Variants in R3HDM1 observed in about 807,000 individuals in gnomAD.
The protein encoded by R3HDM1 is R3H domain containing 1.
A neutral mutation model predicts 141.1 loss-of-function variants in R3HDM1; 46 were observed. That is an observed-to-expected ratio of 0.33 (90% CI 0.26 to 0.42). The LOEUF is 0.42. R3HDM1 is among the 10% of genes least tolerant of loss of function. R3HDM1 has a pLI of 1.00. For synonymous variants in R3HDM1, 435 were observed against 472.9 expected, an observed-to-expected ratio of 0.92 and a Z score of 1.04; for missense variants, 1,184 against 1,368.3, an observed-to-expected ratio of 0.87 and a Z score of 2.12.
chr2:135,536,944 A>G (rs1209229530), intron 1 of R3HDM1, among the ~76,000 whole-genome samples: 1 of 152,170 alleles, frequency 6.6e-6, no homozygotes, highest in Non-Finnish European at 1.5e-5. Context: ...GATCTGAGGT[A>G]GAACAGTTTC....
chr2:135,541,880 G>C (rs1001829591), intron 1 of R3HDM1, among the ~76,000 whole-genome samples: 9 of 143,548 alleles, frequency 6.3e-5, no homozygotes, highest in Non-Finnish European at 1.4e-4. Context: ...AAGAAAGAAA[G>C]AAAGAGAAAA....
At chr2:135,708,958 CAA>C (rs374959932) in intron 21 of R3HDM1, among the ~76,000 whole-genome samples, 97 of 102,956 alleles carry the variant, frequency 9.4e-4, no homozygotes, top group African/African-American at 2.7e-3. Flanking sequence ...AACTCTGTCT[CAA>C]AAAAAAAAAA....
At chr2:135,600,381 A>G (rs1314882367) in intron 1 of R3HDM1, among the ~76,000 whole-genome samples, 2 of 152,140 alleles carry the variant, frequency 1.3e-5, no homozygotes, top group Admixed American at 6.5e-5. Context: ...GGACACAGCA[A>G]ATTTAGGCTC....
At chr2:135,683,428 C>CCTGT (rs2105361016) in intron 21 of R3HDM1, among the ~76,000 whole-genome samples, 1 of 151,958 alleles carries the variant, frequency 6.6e-6, no homozygotes, top group African/African-American at 2.4e-5. Flanking sequence ...GTGGTGGGTG[C>CCTGT]CTGTAATCCC....
At chr2:135,561,367 TC>T in intron 1 of R3HDM1, 1 of 965,990 alleles carries the variant, frequency 1.0e-6, no homozygotes, top group South Asian at 4.8e-5. Flanking sequence ...TTTTCAGGTC[TC>T]CCTGGTCTGT....
intron 19 of R3HDM1, chr2:135,667,824 C>G: frequency 1.1e-6 from 1 of 889,656 alleles, no homozygotes; most frequent in Non-Finnish European, 1.3e-6. Context: ...ACTATGAGAA[C>G]TCTGTACCCA....
intron 1 of R3HDM1, among the ~76,000 whole-genome samples, chr2:135,557,709 T>A (rs1701050302): frequency 1.3e-5 from 2 of 152,214 alleles, no homozygotes; most frequent in Non-Finnish European, 2.9e-5. Context: ...AACATTGAAC[T>A]GTGGCCAGGG....
chr2:135,670,078 C>T (rs957188159), intron 19 of R3HDM1, among the ~76,000 whole-genome samples: 17 of 143,530 alleles, frequency 1.2e-4, no homozygotes, highest in Admixed American at 8.9e-4. Context: ...GGCCATAAGC[C>T]GAGATTGCAC....
intron 21 of R3HDM1, among the ~76,000 whole-genome samples, chr2:135,686,391 A>G (rs1559435226): frequency 6.6e-6 from 1 of 152,236 alleles, no homozygotes; most frequent in Non-Finnish European, 1.5e-5. Context: ...TCATTGCAGC[A>G]TTATTCACAA....
intron 1 of R3HDM1, among the ~76,000 whole-genome samples, chr2:135,587,983 A>G (rs886730293): frequency 6.7e-6 from 1 of 148,844 alleles, no homozygotes; most frequent in East Asian, 2.0e-4. Flanking sequence ...TTTTTTGTTC[A>G]TCTACCTGGT....
intron 3 of R3HDM1, among the ~76,000 whole-genome samples, chr2:135,609,092 CA>C (rs2060312022): frequency 1.3e-5 from 2 of 152,162 alleles, no homozygotes; most frequent in African/African-American, 2.4e-5. Context: ...GTAGTATTTA[CA>C]TAAAAAATAA....
intron 1 of R3HDM1, among the ~76,000 whole-genome samples, chr2:135,579,890 G>A (rs1198430559): frequency 6.6e-6 from 1 of 152,112 alleles, no homozygotes; most frequent in Non-Finnish European, 1.5e-5. Context: ...AGTTGGATGA[G>A]GTATATACAG....
At chr2:135,669,864 C>A (rs1165774195) in intron 19 of R3HDM1, among the ~76,000 whole-genome samples, 2 of 152,102 alleles carry the variant, frequency 1.3e-5, no homozygotes, top group Admixed American at 1.3e-4. Flanking sequence ...TGTGACTGGG[C>A]GCAGTGGCTC....
chr2:135,551,683 G>C (rs1699879781), intron 1 of R3HDM1, among the ~76,000 whole-genome samples: 2 of 152,188 alleles, frequency 1.3e-5, no homozygotes, highest in South Asian at 4.1e-4. Context: ...TACATTGTGG[G>C]GTATTAGGAG....
At position 135,723,778 on chromosome 2, in the gene R3HDM1, C is replaced by CAAAAAA. The variant is rs541423067; in HGVS notation, c.3050-137_3050-132dup. ...GGAGACAGAGTCAGACTCCATCTCC[C>CAAAAAA]AAAAAAAAAAAAAAAAAAAAAAAAA... is the stretch of plus-strand genomic sequence containing the variant. On this transcript the variant is annotated intron_variant, in intron 26 of 26. Coordinates refer to ENST00000683871, the MANE Select transcript of R3HDM1 (RefSeq NM_001378107.1). Among the ~76,000 whole-genome samples the CAAAAAA allele has an allele frequency of 4.6e-3, 253 of 55,296 alleles. 8 individuals are homozygous for CAAAAAA. The highest frequency in any genetic ancestry group is 0.016 in the African/African-American group (232 of 14,502). The allele number at this position is 55,296 out of a possible 152,430, so 36.3% of individuals were successfully genotyped here. A position where few individuals can be genotyped will look rare whatever the true frequency, so the allele number is the denominator to read the frequency against.
chr2:135,617,993 A>C (rs1410607697), intron 5 of R3HDM1, among the ~76,000 whole-genome samples: 1 of 152,218 alleles, frequency 6.6e-6, no homozygotes, highest in Non-Finnish European at 1.5e-5. Flanking sequence ...TATTTAGGAT[A>C]GTTGTCACAT....
chr2:135,537,091 A>G (rs1315135009), intron 1 of R3HDM1, among the ~76,000 whole-genome samples: 2 of 151,774 alleles, frequency 1.3e-5, no homozygotes, highest in Non-Finnish European at 1.5e-5. Context: ...CTAGAGTAAA[A>G]TATCACCTTA....
rs1168956521 is a variant in R3HDM1 at position 135,675,478 on chromosome 2, A to G, written c.2299A>G (p.Thr767Ala). Residue 767 changes from threonine to alanine, a missense_variant, in exon 20 of 27, where the codon ACA (threonine) becomes GCA (alanine). Around this residue, in one of 5 missense-constraint regions of R3HDM1, gnomAD observed 563 missense variants for 562.0 expected, o/e 1.00. Coordinates refer to ENST00000683871, the MANE Select transcript of R3HDM1 (RefSeq NM_001378107.1). ...GVVIPYTSVP[T>A]YQVSLPQGSQ... ...GGTCATCCCCTATACTTCAGTGCCA[A>G]CATATCAGGTATATTGTCTCTTTTA... 1.2e-6 allele frequency: 2 copies of G among 1,612,952 alleles called. No homozygotes were observed. Among genetic ancestry groups the G allele is most frequent in the Non-Finnish European group, 1.7e-6 (2 of 1,179,220 alleles).
intron 21 of R3HDM1, among the ~76,000 whole-genome samples, chr2:135,704,136 A>AGTG (rs2074584857): frequency 1.3e-5 from 2 of 152,024 alleles, no homozygotes; most frequent in African/African-American, 2.4e-5. Flanking sequence ...ACCCACCACC[A>AGTG]CGCCCAGCTA....
Sources: allele counts gnomAD v4.1 joint callset (sites outside exome capture counted in the v4.1 genomes callset), GRCh38; gene constraint gnomAD v4.1.1; regional missense constraint gnomAD v4.1.1; transcripts MANE v1.5; gene names NCBI Gene and HGNC (gene_info 2026-07-23, HGNC 2026-07-21).